Variants in NCAPD3 observed in about 807,000 individuals in gnomAD.
NCAPD3 encodes the protein condensin-2 complex subunit D3.
Under a neutral mutation model 182.9 loss-of-function variants are expected in NCAPD3, and 105 were observed. The observed-to-expected ratio is 0.57, with a 90% confidence interval of 0.49 to 0.68. The LOEUF is 0.68. Among genes scored for constraint, NCAPD3 ranks in the 30% least tolerant of loss-of-function variants. NCAPD3 has a pLI of 0.00. For missense variants in NCAPD3, 1,944 were observed against 1,837.0 expected, an observed-to-expected ratio of 1.06 and a Z score of -1.07; for synonymous variants, 815 against 679.9, an observed-to-expected ratio of 1.20 and a Z score of -3.09.
At chr11:134,194,247 T>G in intron 14 of NCAPD3, 97 bp from the exon 15 acceptor site, 9 of 1,334,382 alleles carry the variant, frequency 6.7e-6, no homozygotes, top group Non-Finnish European at 9.1e-6. Flanking sequence ...AGTTTGTGGT[T>G]CTTAACATTT....
In NCAPD3 at chr11:134,216,776, G is replaced by A. The variant is rs914638526; in HGVS notation, c.382+160C>T. On this transcript the variant is annotated intron_variant, in intron 3 of 34. Coordinates refer to ENST00000534548, the MANE Select transcript of NCAPD3 (RefSeq NM_015261.3). The stretch of plus-strand genomic sequence containing the variant: ...GAAGGTTTTCCAAGACCTATAACAT[G>A]CCATGTACTTTAGAGACTTGCTCCT... Among the ~76,000 whole-genome samples, 3 of 152,042 alleles carry A rather than the reference G, an allele frequency of 2.0e-5. No homozygotes were observed. The East Asian group carries it at 5.8e-4, about 29-fold the overall frequency.
chr11:134,160,977 T>A (rs981742659), intron 28 of NCAPD3, among the ~76,000 whole-genome samples: 1 of 151,788 alleles, frequency 6.6e-6, no homozygotes, highest in Admixed American at 6.6e-5. Flanking sequence ...GGGTCTAAAG[T>A]CAGGCAATAA....
intron 27 of NCAPD3, among the ~76,000 whole-genome samples, chr11:134,163,905 A>C (rs545488168): frequency 2.8e-4 from 43 of 151,506 alleles, no homozygotes; most frequent in Admixed American, 2.7e-3. Flanking sequence ...AAAAGAAAGA[A>C]AGACTGCTCT....
rs145149336 is a variant in NCAPD3 at position 134,186,718 on chromosome 11, G to A, written c.2046-1192C>T. 4.8e-4 allele frequency among the ~76,000 whole-genome samples: 73 copies of A among 152,198 alleles called. 1 individual carries two copies. Among genetic ancestry groups the A allele is most frequent in the African/African-American group, 1.6e-3 (67 of 41,542 alleles). On this transcript the variant is annotated intron_variant, in intron 16 of 34. Transcript: ENST00000534548. Reference sequence around the variant, plus strand: ...AACATCAGGAATTCCTCATTAAACTGTTTTTAGAAGGGAAATTCTCAAAAC... The same window carrying A: ...AACATCAGGAATTCCTCATTAAACTATTTTTAGAAGGGAAATTCTCAAAAC...
At chr11:134,210,834 AT>A (rs1268776115) in intron 3 of NCAPD3, among the ~76,000 whole-genome samples, 4 of 152,260 alleles carry the variant, frequency 2.6e-5, no homozygotes, top group Middle Eastern at 3.2e-3. Flanking sequence ...TCCAGAGGGA[AT>A]TTCTGGACAA....
intron 27 of NCAPD3, among the ~76,000 whole-genome samples, chr11:134,162,137 G>A (rs555246336): frequency 1.3e-5 from 2 of 152,236 alleles, no homozygotes; most frequent in South Asian, 4.2e-4. Flanking sequence ...ATTCTAAATG[G>A]GGAAAAAGAA....
intron 27 of NCAPD3, among the ~76,000 whole-genome samples, chr11:134,165,954 G>C (rs1591827291): frequency 1.6e-5 from 2 of 123,700 alleles, no homozygotes; most frequent in Non-Finnish European, 3.4e-5. Context: ...TGTGAGATGA[G>C]CTTGGGGGAG....
rs560825787 is a variant in NCAPD3, at chr11:134,171,117, TC to T, written c.3102-2064del. 2.6e-5 allele frequency among the ~76,000 whole-genome samples: 4 copies of T among 152,198 alleles called. No homozygotes were observed. In the South Asian group the frequency reaches 8.3e-4, roughly 32 times the overall value. ...GGAAACCTCCAGGATTCTCAAGAAA[TC>T]TTAGTAAGCTGGGAGCTCGTTCAGC... On this transcript the variant is annotated intron_variant, in intron 24 of 34. Coordinates refer to ENST00000534548, the MANE Select transcript of NCAPD3 (RefSeq NM_015261.3).
At position 134,206,640 on chromosome 11, in the gene NCAPD3, G is replaced by A; in HGVS notation, c.975C>T (p.Ser325=). The change falls in exon 8 of 35, where the codon TCC becomes TCT. Residue 325 remains serine, a synonymous_variant. Coordinates refer to ENST00000534548, the MANE Select transcript of NCAPD3 (RefSeq NM_015261.3). Reference sequence around the variant, plus strand: ...CCTGGTTTCTACAGTTGATGACTTGGGAGGTAACAGCAAGGGGGGCACGAT... The same window carrying A: ...CCTGGTTTCTACAGTTGATGACTTGAGAGGTAACAGCAAGGGGGGCACGAT... ...GSHRAPLAVT[S]QVINCRNQAV... The A allele has an allele frequency of 6.2e-7, 1 of 1,613,616 alleles. No individual in the cohort carries two copies. The highest frequency in any genetic ancestry group is 8.5e-7 in the Non-Finnish European group (1 of 1,179,830).
intron 19 of NCAPD3, among the ~76,000 whole-genome samples, 181 bp from the exon 20 acceptor site, chr11:134,181,365 C>T (rs901981868): frequency 3.3e-5 from 5 of 152,170 alleles, no homozygotes; most frequent in African/African-American, 7.2e-5. Flanking sequence ...AGCAATCTAG[C>T]CATGAGTACT....
At chr11:134,187,502 T>C (rs549825326) in intron 16 of NCAPD3, among the ~76,000 whole-genome samples, 2 of 152,280 alleles carry the variant, frequency 1.3e-5, no homozygotes, top group African/African-American at 2.4e-5. Context: ...TCAACAGCAA[T>C]TGATTCAGGC....
At chr11:134,160,952 T>G (rs973190997) in intron 28 of NCAPD3, among the ~76,000 whole-genome samples, 2 of 151,996 alleles carry the variant, frequency 1.3e-5, no homozygotes, top group Admixed American at 6.5e-5. Flanking sequence ...TTTTTGTTTT[T>G]TTTTTTCCTT....
chr11:134,203,661 C>G lies in NCAPD3; in HGVS notation c.1461G>C (p.Leu487=). 5 of 1,612,228 alleles carry G rather than the reference C, an allele frequency of 3.1e-6. No individual in the cohort carries two copies. The highest frequency in any genetic ancestry group is 2.2e-5 in the East Asian group (1 of 44,880). The stretch of plus-strand genomic sequence containing the variant: ...AATAGTCGCCATACTCACTGTTAAT[C>G]AGGAGCTCCAGGATACTCTCCGACG... ...TSASESILEL[L]INSPTFSVIE... The change falls in exon 11 of 35, where the codon CTG becomes CTC. Residue 487 remains leucine (L), a synonymous_variant. Coordinates refer to ENST00000534548, the MANE Select transcript of NCAPD3 (RefSeq NM_015261.3).
At chr11:134,167,797 T>A (rs1943896614) in intron 27 of NCAPD3, among the ~76,000 whole-genome samples, 199 bp downstream of exon 27, 2 of 129,064 alleles carry the variant, frequency 1.5e-5, no homozygotes, top group Non-Finnish European at 3.2e-5. Context: ...AGGTGCACAC[T>A]CGTGAGATGA....
chr11:134,178,958 C>T, intron 20 of NCAPD3, 22 bp from the exon 21 acceptor site: 3 of 1,561,594 alleles, frequency 1.9e-6, no homozygotes, highest in South Asian at 2.2e-5. Flanking sequence ...ATTGGTTTTA[C>T]AGTAAAAATA....
intron 24 of NCAPD3, among the ~76,000 whole-genome samples, chr11:134,173,981 CAAAAA>C (rs536307793): frequency 6.7e-6 from 1 of 150,038 alleles, no homozygotes; most frequent in African/African-American, 2.5e-5. Context: ...AGAAAACAAA[CAAAAA>C]AACAAAACAA....
chr11:134,165,163 C>A (rs554964031), intron 27 of NCAPD3, among the ~76,000 whole-genome samples: 1 of 146,844 alleles, frequency 6.8e-6, no homozygotes, highest in Non-Finnish European at 1.5e-5. Context: ...GTGAGATGAG[C>A]TGAGGAGGAG....
intron 17 of NCAPD3, 107 bp from the exon 18 acceptor site, chr11:134,185,107 C>T (rs1371148043): frequency 9.7e-5 from 98 of 1,009,710 alleles, no homozygotes; most frequent in Non-Finnish European, 1.3e-4. Flanking sequence ...GGGTAGGTAG[C>T]ATGGCTTAGG....
chr11:134,172,053 G>C (rs141959645), intron 24 of NCAPD3, among the ~76,000 whole-genome samples: 1 of 152,294 alleles, frequency 6.6e-6, no homozygotes, highest in East Asian at 1.9e-4. Context: ...ATAGTGTGTT[G>C]CCAAAAGTGT....
Sources: gnomAD v4.1 joint callset for allele counts (sites outside exome capture counted in the v4.1 genomes callset) on GRCh38, gnomAD v4.1.1 for gene constraint, MANE v1.5 for transcripts, NCBI Gene and HGNC (gene_info 2026-07-23, HGNC 2026-07-21) for gene names.